Variants in CDH23 observed in about 807,000 individuals in gnomAD.
CDH23 encodes cadherin related 23, also known as cadherin-23.
In CDH23, 189 loss-of-function variants were observed where a neutral mutation model predicts 317.1. The ratio of observed to expected loss-of-function variants is 0.60; its 90% CI spans 0.53 to 0.67. CDH23 has a LOEUF of 0.67. CDH23 is among the 30% of genes least tolerant of loss of function. The pLI, the probability that CDH23 is intolerant of heterozygous loss-of-function variation, is 0.00. For synonymous variants in CDH23, 1,839 were observed against 1,876.8 expected, an observed-to-expected ratio of 0.98 and a Z score of 0.52; for missense variants, 4,401 against 4,592.4, an observed-to-expected ratio of 0.96 and a Z score of 1.20.
intron 27 of CDH23, 134 bp from the exon 28 acceptor site, chr10:71,712,531 C>A: frequency 4.5e-6 from 4 of 888,174 alleles, no homozygotes; most frequent in East Asian, 5.3e-5. Flanking sequence ...AGGAAGTCAC[C>A]CCTTGCAAAG....
chr10:71,714,605 C>T (rs980881763), intron 28 of CDH23: 2 of 152,226 alleles, frequency 1.3e-5, no homozygotes, highest in Admixed American at 1.3e-4. Context: ...AGTTTTGGAT[C>T]AAGATGAGGC....
chr10:71,510,951 C>A lies in CDH23; in HGVS notation c.289-3C>A, dbSNP rs1853939456. 1 of 1,613,904 alleles carries A rather than the reference C, an allele frequency of 6.2e-7. No individual in the cohort carries two copies. Among genetic ancestry groups the A allele is most frequent in the East Asian group, 2.2e-5 (1 of 44,872 alleles). On this transcript the variant is annotated splice_region_variant and splice_polypyrimidine_tract_variant and intron_variant, in intron 4 of 69. Transcript: ENST00000224721. The stretch of plus-strand genomic sequence containing the variant: ...CCCCCTCCCTCTCTCACTTTTCTTT[C>A]AGACCAAGTCAGAGTTCACCGTGGA...
chr10:71,575,413 T>C (rs1394649323), intron 8 of CDH23, among the ~76,000 whole-genome samples: 1 of 152,142 alleles, frequency 6.6e-6, no homozygotes. Context: ...ATTTTATAGA[T>C]GGGGAAAACA....
intron 2 of CDH23, among the ~76,000 whole-genome samples, chr10:71,442,278 GCA>G (rs1210370518): frequency 3.3e-5 from 5 of 152,100 alleles, no homozygotes; most frequent in Non-Finnish European, 5.9e-5. Context: ...TCATTGCTTG[GCA>G]CAGTCACCTC....
At chr10:71,778,398 A>T in intron 40 of CDH23, 90 bp downstream of exon 40, 1 of 1,521,268 alleles carries the variant, frequency 6.6e-7, no homozygotes, top group Non-Finnish European at 9.0e-7. Context: ...GGGTTAGGGG[A>T]AGATTGTCTG....
At chr10:71,724,221 C>T (rs1866705015) in intron 29 of CDH23, 116 bp downstream of exon 29, 2 of 1,090,204 alleles carry the variant, frequency 1.8e-6, no homozygotes, top group South Asian at 1.4e-5. Context: ...GGGCCATATA[C>T]ATGGGGCGAG....
At chr10:71,496,549 A>G (rs1464731940) in intron 3 of CDH23, among the ~76,000 whole-genome samples, 1 of 152,238 alleles carries the variant, frequency 6.6e-6, no homozygotes. Context: ...CCCCTAGGCC[A>G]GCTAGTCACA....
intron 13 of CDH23, 131 bp downstream of exon 13, chr10:71,646,111 G>C: frequency 4.0e-6 from 5 of 1,248,994 alleles, no homozygotes; most frequent in Non-Finnish European, 5.5e-6. Context: ...ATCTGACTCA[G>C]ATAAGCCCTC....
intron 6 of CDH23, among the ~76,000 whole-genome samples, chr10:71,532,667 T>A (rs12783388): frequency 6.6e-6 from 1 of 151,496 alleles, no homozygotes; most frequent in Non-Finnish European, 1.5e-5. Context: ...GGCCTTCTGA[T>A]GAGTAGGATT....
chr10:71,476,119 G>T (rs1056048375), intron 3 of CDH23, among the ~76,000 whole-genome samples: 2 of 148,432 alleles, frequency 1.3e-5, no homozygotes, highest in East Asian at 3.9e-4. Context: ...GCACGCAGGT[G>T]GGGAGGGACT....
chr10:71,710,720 A>C (rs1036871878), intron 27 of CDH23, among the ~76,000 whole-genome samples: 1 of 152,242 alleles, frequency 6.6e-6, no homozygotes, highest in East Asian at 1.9e-4. Context: ...TACATGAAGA[A>C]GCAGGGAGGG....
At chr10:71,690,819 G>A (rs540939569) in intron 20 of CDH23, among the ~76,000 whole-genome samples, 2 of 152,344 alleles carry the variant, frequency 1.3e-5, no homozygotes, top group South Asian at 2.1e-4. Context: ...GTGAAGAGTT[G>A]TATTATGTTT....
chr10:71,798,739 G>A (rs1405368257), intron 50 of CDH23, among the ~76,000 whole-genome samples, 161 bp downstream of exon 50: 1 of 152,196 alleles, frequency 6.6e-6, no homozygotes, highest in African/African-American at 2.4e-5. Context: ...ACCAGGGGAA[G>A]GGACAGAGTG....
At chr10:71,427,950 T>G (rs1849181720) in intron 1 of CDH23, among the ~76,000 whole-genome samples, 1 of 151,858 alleles carries the variant, frequency 6.6e-6, no homozygotes, top group Non-Finnish European at 1.5e-5. Context: ...TGACCTCAAG[T>G]GATCCTCCTG....
intron 30 of CDH23, among the ~76,000 whole-genome samples, chr10:71,727,661 A>C (rs1866877565): frequency 6.6e-6 from 1 of 152,146 alleles, no homozygotes; most frequent in African/African-American, 2.4e-5. Flanking sequence ...TTCACGACAC[A>C]TACACACACA....
chr10:71,471,467 C>A (rs1470752266), intron 3 of CDH23, among the ~76,000 whole-genome samples: 1 of 152,182 alleles, frequency 6.6e-6, no homozygotes, highest in Non-Finnish European at 1.5e-5. Flanking sequence ...CAGGCACGCA[C>A]CCTCTGCCCC....
intron 3 of CDH23, among the ~76,000 whole-genome samples, chr10:71,507,388 T>TA (rs1195943127): frequency 2.0e-5 from 3 of 152,190 alleles, no homozygotes; most frequent in Non-Finnish European, 1.5e-5. Flanking sequence ...TCTTTACAAA[T>TA]AAATTAAACA....
chr10:71,705,092 C>T lies in CDH23; in HGVS notation c.2915C>T (p.Thr972Met), dbSNP rs762772276. 1.8e-5 allele frequency: 29 copies of T among 1,611,688 alleles called. No individual in the cohort carries two copies. In the Middle Eastern group the frequency reaches 1.2e-3, roughly 66 times the overall value. The change falls in exon 25 of 70, where the codon ACG becomes ATG. Residue 972 changes from threonine (T) to methionine (M), a missense_variant. Thr to Met is a moderately conservative substitution (Grantham distance 81). This residue lies in a region of CDH23 where 3,068 missense variants were observed against 3,203.3 expected (regional missense o/e 0.96). Coordinates refer to ENST00000224721, the MANE Select transcript of CDH23 (RefSeq NM_022124.6). ...CGGGTGGTGGCCAGTGATGCAGGCACGCCCACCAAGAGCTCCACCAGCACG... is the reference window on the plus strand; with the variant it reads ...CGGGTGGTGGCCAGTGATGCAGGCATGCCCACCAAGAGCTCCACCAGCACG... Reference protein sequence around the residue: ...QLRVVASDAGTPTKSSTSTLT... With the variant: ...QLRVVASDAGMPTKSSTSTLT...
chr10:71,688,143 C>T (rs949094154), intron 19 of CDH23, among the ~76,000 whole-genome samples: 73 of 152,236 alleles, frequency 4.8e-4, no homozygotes, highest in African/African-American at 1.7e-3. Flanking sequence ...TGTGAGGATG[C>T]GATTGAGAGG....
Sources: gnomAD v4.1 joint callset for allele counts (sites outside exome capture counted in the v4.1 genomes callset) on GRCh38, gnomAD v4.1.1 for gene constraint, gnomAD v4.1.1 regional missense constraint, MANE v1.5 for transcripts, NCBI Gene and HGNC (gene_info 2026-07-23, HGNC 2026-07-21) for gene names.